The following PARP4 variants were observed in gnomAD, a reference collection of about 807,000 sequenced individuals.
The protein encoded by PARP4 is poly(ADP-ribose) polymerase family member 4.
PARP4 carries 120 observed loss-of-function variants against 187.7 expected under a neutral mutation model. That is an observed-to-expected ratio of 0.64 (90% confidence interval 0.55 to 0.74). The LOEUF (loss-of-function observed/expected upper bound fraction) is 0.74. Ranked by LOEUF, PARP4 falls within the 30% of genes least tolerant of loss-of-function variation. PARP4 has a pLI of 0.00. For missense variants in PARP4, 1,836 were observed against 2,070.5 expected (o/e 0.89, Z 2.20); for synonymous variants, 654 against 740.9 (o/e 0.88, Z 1.90).
At position 24,443,326 on chromosome 13, in the gene PARP4, C is replaced by T. The variant is rs144826480; in HGVS notation, c.3447+324G>A. On this transcript the variant is annotated intron_variant, in intron 28 of 33. Coordinates refer to ENST00000381989, the MANE Select transcript of PARP4 (RefSeq NM_006437.4). ...CTCATCAGTAAGATGGGAATACTAACGCTACCACACGAGAGATCTGAGGTG... is the reference window on the plus strand; with the variant it reads ...CTCATCAGTAAGATGGGAATACTAATGCTACCACACGAGAGATCTGAGGTG... 5.1e-3 allele frequency among the ~76,000 whole-genome samples: 773 copies of T among 152,188 alleles called. 6 individuals are homozygous for T. Among genetic ancestry groups the T allele is most frequent in the African/African-American group, 0.018 (734 of 41,468 alleles).
At chr13:24,459,541 ACACACG>A (rs1245412837) in intron 18 of PARP4, 15,645 of 255,128 alleles carry the variant, frequency 0.061, 143 homozygotes, top group African/African-American at 0.082. Context: ...ATACACACAC[ACACACG>A]CACACACACA....
At chr13:24,485,881 G>C (rs545685847) in intron 11 of PARP4, among the ~76,000 whole-genome samples, 48 of 152,116 alleles carry the variant, frequency 3.2e-4, no homozygotes, top group African/African-American at 1.1e-3. Context: ...ATAAGGTCTT[G>C]CTAGGTTTTC....
At chr13:24,453,686 T>A (rs868435252) in intron 22 of PARP4, 32 bp from the exon 23 acceptor site, 1 of 1,237,478 alleles carries the variant, frequency 8.1e-7, no homozygotes, top group Non-Finnish European at 1.2e-6. Flanking sequence ...AGGTGCTGCT[T>A]CCACACGTTC....
intron 29 of PARP4, among the ~76,000 whole-genome samples, chr13:24,442,239 C>T (rs1328086503): frequency 1.2e-5 from 1 of 84,672 alleles, no homozygotes; most frequent in Non-Finnish European, 2.6e-5. Flanking sequence ...GGAACCCAGG[C>T]CTTTTCGGCC....
intron 1 of PARP4, among the ~76,000 whole-genome samples, chr13:24,504,307 CTTT>C (rs11434017): frequency 6.1e-4 from 53 of 87,356 alleles, no homozygotes; most frequent in Non-Finnish European, 9.3e-4. Flanking sequence ...CATTTAGGTT[CTTT>C]TTTTTTTTTT....
At chr13:24,486,607 C>A (rs1566014569) in intron 10 of PARP4, among the ~76,000 whole-genome samples, 1 of 152,168 alleles carries the variant, frequency 6.6e-6, no homozygotes, top group Non-Finnish European at 1.5e-5. Context: ...ATATATAATT[C>A]TTGCTCTGGG....
intron 14 of PARP4, among the ~76,000 whole-genome samples, chr13:24,476,256 G>A (rs1373449571): frequency 6.6e-6 from 1 of 151,974 alleles, no homozygotes. Context: ...TGCGACTACA[G>A]ACATGTGCTC....
chr13:24,454,172 A>C (rs1183160859), intron 22 of PARP4, among the ~76,000 whole-genome samples: 2 of 152,170 alleles, frequency 1.3e-5, no homozygotes, highest in Non-Finnish European at 2.9e-5. Context: ...GTGGTGCTTT[A>C]CTATGCAAAA....
rs773953780 is a variant in PARP4, at chr13:24,460,104, G to A, written c.2166C>T (p.Pro722=). 4 of 1,613,594 alleles carry A rather than the reference G, an allele frequency of 2.5e-6. No homozygotes were observed. The highest frequency in any genetic ancestry group is 2.2e-5 in the South Asian group (2 of 90,964). The change falls in exon 18 of 34, where the codon CCC becomes CCT. Residue 722 remains proline, a synonymous_variant. Transcript: ENST00000381989. ...DVFTVSVGNL[P]PKAKVLIKIT... is the part of the protein sequence containing the mutation. ...TTTTTATAAGAACCTTAGCCTTAGG[G>A]GGTAAGTTTCCAACACTTACAGTAA...
chr13:24,503,615 C>A, intron 2 of PARP4, 30 bp downstream of exon 2: 4 of 1,610,864 alleles, frequency 2.5e-6, no homozygotes, highest in Non-Finnish European at 2.5e-6. Context: ...AATGTTTTAT[C>A]ACACTGTAGT....
rs770722119 is a variant in PARP4 at position 24,460,040 on chromosome 13, C to T, written c.2230G>A (p.Gly744Ser). Residue 744 changes from glycine to serine, a missense_variant, in exon 18 of 34, where the codon GGT becomes AGT. Transcript: ENST00000381989. ...ACGGTGGCGGGCATGAAAAAGACACCAACAGTGCCCAGGATGCTGAGTTCT... is the reference window on the plus strand; with the variant it reads ...ACGGTGGCGGGCATGAAAAAGACACTAACAGTGCCCAGGATGCTGAGTTCT... Reference protein sequence around the residue: ...ITELSILGTVGVFFMPATVAP... With the variant: ...ITELSILGTVSVFFMPATVAP... The T allele has an allele frequency of 5.0e-6, 8 of 1,613,974 alleles. No homozygotes were observed. The highest frequency in any genetic ancestry group is 1.1e-5 in the South Asian group (1 of 91,080).
rs773570036 is a variant in PARP4 at position 24,469,051 on chromosome 13, G to A, written c.2106C>T (p.Gly702=). 89 of 1,613,526 alleles carry A rather than the reference G, an allele frequency of 5.5e-5. No individual in the cohort carries two copies. Among genetic ancestry groups the A allele is most frequent in the Admixed American group, 3.5e-4 (21 of 59,988 alleles). ...GAGCATCCTGACTCATCAGGTAAGC[G>A]CCATGGCCCTGGGTCACGGCTTCTA... is the stretch of plus-strand genomic sequence containing the variant. The part of the protein sequence containing the change: ...EYLEAVTQGH[G]AYLMSQDAPD... Residue 702 remains glycine, a synonymous_variant, in exon 17 of 34, where the codon GGC becomes GGT. Transcript: ENST00000381989.
chr13:24,475,605 TA>T lies in PARP4; in HGVS notation c.1790-10del. 1 of 1,613,416 alleles carries T rather than the reference TA, an allele frequency of 6.2e-7. No homozygotes were observed. Among genetic ancestry groups the T allele is most frequent in the East Asian group, 2.2e-5 (1 of 44,858 alleles). ...ATCTGGTAACTGGTAATCTAAACGT[TA>T]AAAATGTTACTATTAGCTTTCAAAA... On this transcript the variant is annotated splice_polypyrimidine_tract_variant and intron_variant, in intron 14 of 33. Transcript: ENST00000381989.
intron 15 of PARP4, among the ~76,000 whole-genome samples, chr13:24,471,078 C>T (rs1246779958): frequency 6.6e-6 from 1 of 152,194 alleles, no homozygotes; most frequent in African/African-American, 2.4e-5. Context: ...TTAGAGTGTG[C>T]CTGGTGAGGA....
Position 24,501,854 on chromosome 13 carries a change from A to G in PARP4, c.133-20T>C. On this transcript the variant is annotated intron_variant, in intron 2 of 33. Transcript: ENST00000381989. Reference sequence around the variant, plus strand: ...TGTGCACTAAGGAAAAAAAGAGTCAATCCATTATGCATCAAGAAAAACAAC... The same window carrying G: ...TGTGCACTAAGGAAAAAAAGAGTCAGTCCATTATGCATCAAGAAAAACAAC... 1 of 1,381,350 alleles carries G rather than the reference A, an allele frequency of 7.2e-7. No homozygotes were observed. The highest frequency in any genetic ancestry group is 1.2e-5 in the South Asian group (1 of 83,670). The allele number at this position is 1,381,350 out of a possible 1,614,324, so 85.6% of individuals were successfully genotyped here.
chr13:24,458,384 C>G (rs570368231), intron 20 of PARP4, among the ~76,000 whole-genome samples: 41 of 151,924 alleles, frequency 2.7e-4, no homozygotes, highest in Non-Finnish European at 4.9e-4. Flanking sequence ...GCTGGGATTA[C>G]AGGCATGAGC....
At chr13:24,443,953 G>A (rs1329915400) in intron 27 of PARP4, among the ~76,000 whole-genome samples, 2 of 152,184 alleles carry the variant, frequency 1.3e-5, no homozygotes, top group Non-Finnish European at 2.9e-5. Context: ...CTGTGTGCCC[G>A]TGTAGCTTCC....
At chr13:24,447,967 G>A (rs890156123) in intron 25 of PARP4, among the ~76,000 whole-genome samples, 2 of 152,204 alleles carry the variant, frequency 1.3e-5, no homozygotes, top group African/African-American at 4.8e-5. Flanking sequence ...AGCACTTTGG[G>A]AGGCCAAGGC....
In PARP4 at chr13:24,435,116, G is replaced by GTTTGC. The variant is rs765183235; in HGVS notation, c.4024_4025insGCAAA (p.Ala1342GlyfsTer8). The GTTTGC allele has an allele frequency of 3.1e-6, 5 of 1,614,072 alleles. No individual in the cohort carries two copies. The African/African-American group carries it at 6.7e-5, about 22-fold the overall frequency. The stretch of plus-strand genomic sequence containing the variant: ...GAAACTAGCTACCTGACGATATGAG[G>GTTTGC]CAAAAGACAAGGAAGCAGGACTGTG... On this transcript the variant is annotated frameshift_variant, in exon 31 of 34. Transcript: ENST00000381989. LOFTEE classifies it high-confidence loss of function.
Sources: gnomAD v4.1 joint callset for allele counts (sites outside exome capture counted in the v4.1 genomes callset) on GRCh38, gnomAD v4.1.1 for gene constraint, MANE v1.5 for transcripts, NCBI Gene and HGNC (gene_info 2026-07-23, HGNC 2026-07-21) for gene names.